Variants in LENG8 observed in about 807,000 individuals in gnomAD.
LENG8 encodes leukocyte receptor cluster member 8.
A neutral mutation model predicts 102.1 loss-of-function variants in LENG8; 28 were observed. The observed-to-expected ratio is 0.27, with a 90% CI of 0.20 to 0.38. LENG8 has a LOEUF of 0.38. LENG8 is among the 10% of genes least tolerant of loss of function. The pLI is 1.00. For synonymous variants in LENG8, 531 were observed against 456.7 expected (o/e 1.16, Z -2.07); for missense variants, 1,022 against 1,113.9 (o/e 0.92, Z 1.17).
intron 15 of LENG8, 47 bp from the exon 16 acceptor site, chr19:54,460,719 G>GCCCCACC: frequency 1.3e-6 from 1 of 778,920 alleles, no homozygotes; most frequent in Non-Finnish European, 1.8e-6. Context: ...GCCCTCCCCT[G>GCCCCACC]CCCTCCCGCC....
intron 9 of LENG8, 26 bp from the exon 10 acceptor site, chr19:54,456,299 C>T: frequency 6.2e-7 from 1 of 1,614,106 alleles, no homozygotes; most frequent in Non-Finnish European, 8.5e-7. Context: ...GCGTTTCAGG[C>T]CTGACCCTCC....
In LENG8 at chr19:54,461,360, AGCCCGCCCACC is replaced by A. The variant is rs1297122290; in HGVS notation, c.*439_*449del. On this transcript the variant is annotated 3_prime_UTR_variant, in exon 16 of 16. Transcript: ENST00000326764. ...CCGCCTGCGGCGGGGGCACCCAGCAAGCCCGCCCACCGCCCGCTGCCTCACCTGCTTCGCCA... is the reference window on the plus strand; with the variant it reads ...CCGCCTGCGGCGGGGGCACCCAGCAAGCCCGCTGCCTCACCTGCTTCGCCA... 2.2e-6 allele frequency: 1 copy of A among 457,978 alleles called. No individual in the cohort carries two copies. The allele number at this position is 457,978 out of a possible 1,614,324, so 28.4% of individuals were successfully genotyped here. A position where few individuals can be genotyped will look rare whatever the true frequency, so the allele number is the denominator to read the frequency against.
At chr19:54,457,482 A>G (rs113849682) in intron 11 of LENG8, among the ~76,000 whole-genome samples, 3,232 of 152,146 alleles carry the variant, frequency 0.021, 101 homozygotes, top group African/African-American at 0.071. Flanking sequence ...CTGGGATTAC[A>G]GGCGTCTGCC....
chr19:54,461,820 T>G lies in LENG8; in HGVS notation c.*892T>G. 2.1e-6 allele frequency: 1 copy of G among 480,098 alleles called. No homozygotes were observed. 29.7% of individuals were successfully genotyped at this position (480,098 alleles called of 1,614,324 possible). A position where few individuals can be genotyped will look rare whatever the true frequency, so the allele number is the denominator to read the frequency against. ...CTTTTTGGCCCTCCCTCCCTCCCTC[T>G]TCTGCCATGTAACTGGAGGATGTGC... On this transcript the variant is annotated 3_prime_UTR_variant, in exon 16 of 16. Coordinates refer to ENST00000326764, the MANE Select transcript of LENG8 (RefSeq NM_052925.4).
Position 54,456,234 on chromosome 19 carries a change from C to T in LENG8, c.1293C>T (p.His431=), listed in dbSNP as rs746055214. ...CCTCCTCCAGGTCCCCGACGCGCCA[C>T]TTCCGCAGAAGGTACTGAGGCTCCC... is the stretch of plus-strand genomic sequence containing the variant. ...SRSSSRSPTR[H]FRRSDSHSDS... is the part of the protein sequence containing the mutation. Residue 431 remains histidine (H), a synonymous_variant, in exon 9 of 16, where the codon CAC becomes CAT. Transcript: ENST00000326764. 1.1e-5 allele frequency: 17 copies of T among 1,613,512 alleles called. No homozygotes were observed. The South Asian group carries it at 1.1e-4, about 10-fold the overall frequency.
At position 54,460,102 on chromosome 19, in the gene LENG8, C is replaced by G. The variant is rs1183323864; in HGVS notation, c.2241-664C>G. On this transcript the variant is annotated intron_variant, in intron 15 of 15. Coordinates refer to ENST00000326764, the MANE Select transcript of LENG8 (RefSeq NM_052925.4). ...CTGAGACTGGGAGACGGAGTGGGCT[C>G]TGATCCCAGGGCTTCCAGGAAAGCT... is the stretch of plus-strand genomic sequence containing the variant. 8 of 1,289,830 alleles carry G rather than the reference C, an allele frequency of 6.2e-6. No individual in the cohort carries two copies. In the Admixed American group the frequency reaches 1.4e-4, roughly 22 times the overall value. 79.9% of individuals were successfully genotyped at this position (1,289,830 alleles called of 1,614,324 possible).
At chr19:54,452,578 CA>C in intron 3 of LENG8, 72 bp from the exon 4 acceptor site, 1 of 1,249,824 alleles carries the variant, frequency 8.0e-7, no homozygotes, top group Admixed American at 1.7e-5. Context: ...CACCAGTAAA[CA>C]GGCTTGCCCT....
intron 7 of LENG8, 33 bp downstream of exon 7, chr19:54,455,125 C>T (rs368876670): frequency 3.7e-6 from 6 of 1,612,924 alleles, no homozygotes; most frequent in Non-Finnish European, 4.2e-6. Flanking sequence ...GTCGCAGCCC[C>T]ACACTCTGCA....
chr19:54,457,012 G>T (rs991154392), intron 11 of LENG8, 91 bp downstream of exon 11: 9 of 1,356,936 alleles, frequency 6.6e-6, no homozygotes, highest in South Asian at 5.7e-5. Flanking sequence ...GAGGCCACAC[G>T]GGGGCTCTGG....
intron 11 of LENG8, 28 bp downstream of exon 11, chr19:54,456,949 CTG>C: frequency 6.3e-7 from 1 of 1,577,300 alleles, no homozygotes; most frequent in Non-Finnish European, 8.6e-7. Context: ...CAGTTCTGCT[CTG>C]TGAGGCCGTG....
In LENG8 at chr19:54,454,345, C is replaced by CACTG. The variant is rs1453766964; in HGVS notation, c.427-84_427-81dup. ...AGGGTTGAGTGCTGAGTGCTGTGACCACTGCGTCCTCACAGCGAGGGCTGA... is the reference window on the plus strand; with the variant it reads ...AGGGTTGAGTGCTGAGTGCTGTGACCACTGACTGCGTCCTCACAGCGAGGGCTGA... On this transcript the variant is annotated intron_variant, in intron 5 of 15. Transcript: ENST00000326764. 9.3e-5 allele frequency: 127 copies of CACTG among 1,364,408 alleles called. 1 individual carries two copies. The African/African-American group carries it at 1.7e-3, about 18-fold the overall frequency. 84.5% of individuals were successfully genotyped at this position (1,364,408 alleles called of 1,614,324 possible).
In LENG8 at chr19:54,461,237, TC is replaced by T. The variant is rs1388672732; in HGVS notation, c.*310del. 1 of 586,254 alleles carries T rather than the reference TC, an allele frequency of 1.7e-6. No homozygotes were observed. Among genetic ancestry groups the T allele is most frequent in the South Asian group, 1.5e-5 (1 of 64,992 alleles). The allele number at this position is 586,254 out of a possible 1,614,324, so 36.3% of individuals were successfully genotyped here. A position where few individuals can be genotyped will look rare whatever the true frequency, so the allele number is the denominator to read the frequency against. The stretch of plus-strand genomic sequence containing the variant: ...TAATGCTGTCTCAGTGTTTTCTCTC[TC>T]TCTCTTTCGAGCTTGCACTCCGGTA... On this transcript the variant is annotated 3_prime_UTR_variant, in exon 16 of 16. Coordinates refer to ENST00000326764, the MANE Select transcript of LENG8 (RefSeq NM_052925.4).
intron 13 of LENG8, 33 bp downstream of exon 13, chr19:54,458,035 T>A: frequency 8.7e-6 from 14 of 1,611,936 alleles, no homozygotes; most frequent in Non-Finnish European, 1.2e-5. Flanking sequence ...CCCCAGCCCC[T>A]TTCCTGCTGC....
chr19:54,454,999 T>C lies in LENG8; in HGVS notation c.728T>C (p.Phe243Ser). Residue 243 changes from phenylalanine (F) to serine (S), a missense_variant, in exon 7 of 16, where the codon TTT (phenylalanine) becomes TCT (serine). Physicochemically the swap from Phe to Ser is radical, Grantham distance 155 (BLOSUM62 -2). Transcript: ENST00000326764. ...GLKFNIQKRP[F>S]AVTTQSFGSN... ...AAGTTCAACATCCAGAAGCGACCCT[T>C]TGCTGTTACCACCCAGAGCTTTGGC... 1 of 1,614,200 alleles carries C rather than the reference T, an allele frequency of 6.2e-7. No individual in the cohort carries two copies. The highest frequency in any genetic ancestry group is 8.5e-7 in the Non-Finnish European group (1 of 1,180,028).
chr19:54,458,111 TG>T lies in LENG8; in HGVS notation c.1912del (p.Glu638LysfsTer53). ...ARIALEKGDH[E>X]EFNQCQTQLK... ...GTGCCTCTGCCTTCCAGGGTGACCA[TG>T]AAGAGTTTAACCAGTGCCAGACGCA... is the stretch of plus-strand genomic sequence containing the variant. On this transcript the variant is annotated frameshift_variant, in exon 14 of 16. Transcript: ENST00000326764. LOFTEE classifies it high-confidence loss of function. 1 of 1,613,366 alleles carries T rather than the reference TG, an allele frequency of 6.2e-7. No individual in the cohort carries two copies.
chr19:54,460,073 C>T (rs529735941), intron 15 of LENG8: 1 of 1,289,344 alleles, frequency 7.8e-7, no homozygotes, highest in Non-Finnish European at 1.0e-6. Context: ...CCCTGCCCTG[C>T]CAGCTGAGAC....
rs936193582 is a variant in LENG8, at chr19:54,451,287, TAGAC to T, written c.-55_-52del. The T allele has an allele frequency of 4.5e-6, 7 of 1,566,916 alleles. No individual in the cohort carries two copies. Among genetic ancestry groups the T allele is most frequent in the South Asian group, 1.1e-5 (1 of 90,164 alleles). ...TCTCCCTAACTCATTCTTTTTCTCA[TAGAC>T]AGTGAAAAAGCAGTCTGGCTCCCGA... On this transcript the variant is annotated splice_acceptor_variant and 5_prime_UTR_variant, in exon 2 of 16. Coordinates refer to ENST00000326764, the MANE Select transcript of LENG8 (RefSeq NM_052925.4). LOFTEE classifies it low-confidence loss of function (5UTR_SPLICE).
intron 4 of LENG8, 73 bp from the exon 5 acceptor site, chr19:54,453,473 T>A: frequency 2.2e-6 from 2 of 912,548 alleles, no homozygotes; most frequent in African/African-American, 1.7e-5. Context: ...ATGGCTGGTG[T>A]AGTTCCTGAG....
At chr19:54,449,835 C>T (rs1447243712) in intron 1 of LENG8, 2 of 152,752 alleles carry the variant, frequency 1.3e-5, no homozygotes, top group Non-Finnish European at 2.9e-5. Context: ...CAACTCCTGA[C>T]CTTACCTCTA....
Sources: gnomAD v4.1 joint callset for allele counts (sites outside exome capture counted in the v4.1 genomes callset) on GRCh38, gnomAD v4.1.1 for gene constraint, MANE v1.5 for transcripts, NCBI Gene and HGNC (gene_info 2026-07-23, HGNC 2026-07-21) for gene names.